The following LARGE1 variants were observed in gnomAD, a reference collection of about 807,000 sequenced individuals.
LARGE1 encodes the protein xylosyl- and glucuronyltransferase LARGE1.
LARGE1 carries 43 observed loss-of-function variants against 87.6 expected under a neutral mutation model. The observed-to-expected ratio is 0.49, with a 90% CI of 0.38 to 0.63. The LOEUF (loss-of-function observed/expected upper bound fraction) is 0.63, where lower values mean the gene tolerates loss of function less well. Ranked by LOEUF, LARGE1 falls within the 30% of genes least tolerant of loss-of-function variation. LARGE1 has a pLI of 0.00. For synonymous variants in LARGE1, 434 were observed against 394.6 expected (o/e 1.10, Z -1.18); for missense variants, 802 against 1,000.2 (o/e 0.80, Z 2.67).
chr22:33,216,256 C>T (rs1332807657), intron 11 of LARGE1, among the ~76,000 whole-genome samples: 2 of 152,216 alleles, frequency 1.3e-5, no homozygotes, highest in Non-Finnish European at 2.9e-5. Flanking sequence ...TGCCCTCCCC[C>T]ACAAATTCTT....
chr22:33,379,598 A>G (rs1475572127), intron 9 of LARGE1, among the ~76,000 whole-genome samples: 3 of 152,202 alleles, frequency 2.0e-5, no homozygotes, highest in African/African-American at 4.8e-5. Flanking sequence ...TGTGGCACAT[A>G]TACACCATGG....
At chr22:33,290,353 T>C (rs1386545368) in intron 12 of LARGE1, among the ~76,000 whole-genome samples, 1 of 152,178 alleles carries the variant, frequency 6.6e-6, no homozygotes, top group East Asian at 1.9e-4. Context: ...TGGTTCACAT[T>C]CTAGAGGCAG....
chr22:33,833,202 C>T (rs553379539), intron 1 of LARGE1, among the ~76,000 whole-genome samples: 6 of 152,334 alleles, frequency 3.9e-5, no homozygotes, highest in African/African-American at 9.6e-5. Flanking sequence ...AATACTGAAA[C>T]ATCTGAATGG....
intron 1 of LARGE1, among the ~76,000 whole-genome samples, chr22:33,875,638 G>A (rs1007271474): frequency 6.6e-6 from 1 of 152,042 alleles, no homozygotes; most frequent in Non-Finnish European, 1.5e-5. Flanking sequence ...CCGCAAAGCA[G>A]GTGACCGATG....
At chr22:33,604,353 C>G in intron 5 of LARGE1, 82 bp downstream of exon 5, 1 of 1,568,154 alleles carries the variant, frequency 6.4e-7, no homozygotes, top group Non-Finnish European at 8.8e-7. Flanking sequence ...AGATTTCTGG[C>G]ATTGCTACAG....
At chr22:33,088,588 C>G in the LARGE1 span, among the ~76,000 whole-genome samples, 1 of 152,166 alleles carries the variant, frequency 6.6e-6, no homozygotes. Context: ...GCCCGTGTTA[C>G]TGGCAGAGCA....
chr22:33,830,527 T>C (rs1393402345), intron 1 of LARGE1, among the ~76,000 whole-genome samples: 2 of 152,210 alleles, frequency 1.3e-5, no homozygotes, highest in Admixed American at 6.5e-5. Flanking sequence ...GGACAATTTA[T>C]TGAACATTTC....
At position 33,382,095 on chromosome 22, in the gene LARGE1, G is replaced by A; in HGVS notation, c.1006-51C>T. The A allele has an allele frequency of 3.1e-6, 5 of 1,610,540 alleles. No individual in the cohort carries two copies. The Middle Eastern group carries it at 5.0e-4, about 160-fold the overall frequency. Reference sequence around the variant, plus strand: ...GTCAAGACAGTCGGATGGTCCAGCTGCCCATTTTGGCTCTCAAGGCACTGC... The same window carrying A: ...GTCAAGACAGTCGGATGGTCCAGCTACCCATTTTGGCTCTCAAGGCACTGC... On this transcript the variant is annotated intron_variant, in intron 8 of 14. Coordinates refer to ENST00000397394, the MANE Select transcript of LARGE1 (RefSeq NM_133642.5).
the LARGE1 span, among the ~76,000 whole-genome samples, chr22:33,152,909 T>A: frequency 3.2e-4 from 48 of 152,312 alleles, no homozygotes; most frequent in African/African-American, 1.2e-3. Flanking sequence ...TTTTCCATTT[T>A]CCTGATGGTA....
intron 6 of LARGE1, among the ~76,000 whole-genome samples, chr22:33,505,174 C>G (rs1334744961): frequency 6.6e-6 from 1 of 152,260 alleles, no homozygotes; most frequent in African/African-American, 2.4e-5. Context: ...CTGTCCTGTC[C>G]TCTCCCTGTG....
At chr22:33,428,499 G>A (rs1432986991) in intron 7 of LARGE1, among the ~76,000 whole-genome samples, 1 of 151,078 alleles carries the variant, frequency 6.6e-6, no homozygotes, top group Non-Finnish European at 1.5e-5. Flanking sequence ...ATTTTTAGTA[G>A]AGATGGGGTT....
chr22:33,632,830 T>C (rs2080151944), intron 3 of LARGE1, among the ~76,000 whole-genome samples: 1 of 152,214 alleles, frequency 6.6e-6, no homozygotes. Context: ...CTTGAGAATT[T>C]ATACATTTTA....
At chr22:33,737,479 C>T (rs1601474648) in intron 2 of LARGE1, 1 of 152,166 alleles carries the variant, frequency 6.6e-6, no homozygotes, top group African/African-American at 2.4e-5. Flanking sequence ...TTACTACACA[C>T]CTGGCTCTAT....
At chr22:33,760,864 G>A (rs1307463663) in intron 2 of LARGE1, among the ~76,000 whole-genome samples, 1 of 152,118 alleles carries the variant, frequency 6.6e-6, no homozygotes, top group East Asian at 1.9e-4. Flanking sequence ...GGGTTGCAGT[G>A]AGCCACAATC....
intron 1 of LARGE1, among the ~76,000 whole-genome samples, chr22:33,854,208 A>AG (rs1389685867): frequency 3.0e-5 from 4 of 134,022 alleles, no homozygotes; most frequent in African/African-American, 5.7e-5. Context: ...AATGCACTTA[A>AG]GGGGAAAAAA....
chr22:33,223,633 C>G (rs1925567835), intron 11 of LARGE1, among the ~76,000 whole-genome samples: 1 of 152,144 alleles, frequency 6.6e-6, no homozygotes, highest in Non-Finnish European at 1.5e-5. Context: ...ATTTCTCTCT[C>G]CCTCGTTCAA....
At chr22:33,805,937 G>A (rs1298855301) in intron 1 of LARGE1, among the ~76,000 whole-genome samples, 1 of 151,938 alleles carries the variant, frequency 6.6e-6, no homozygotes, top group Non-Finnish European at 1.5e-5. Flanking sequence ...AATTTATTAA[G>A]CTGACATTCA....
chr22:33,161,146 G>A (rs368192299), downstream of LARGE1, among the ~76,000 whole-genome samples: 4 of 152,074 alleles, frequency 2.6e-5, no homozygotes, highest in Admixed American at 6.5e-5. Context: ...GGAAAAGCCC[G>A]TTATAAAACC....
chr22:33,091,735 C>T, the LARGE1 span, among the ~76,000 whole-genome samples: 2 of 152,202 alleles, frequency 1.3e-5, no homozygotes, highest in Admixed American at 1.3e-4. Flanking sequence ...TTTAGTCTCT[C>T]CGAACCTTTA....
Sources: gnomAD v4.1 joint callset for allele counts (sites outside exome capture counted in the v4.1 genomes callset) on GRCh38, gnomAD v4.1.1 for gene constraint, MANE v1.5 for transcripts, NCBI Gene and HGNC (gene_info 2026-07-23, HGNC 2026-07-21) for gene names.